The following OCA2 variants were observed in gnomAD, a reference collection of about 807,000 sequenced individuals.
OCA2 encodes the protein OCA2 melanosomal transmembrane protein, also known as P protein.
In OCA2, 77 loss-of-function variants were observed where a neutral mutation model predicts 100.2. The observed-to-expected ratio is 0.77, with a 90% CI of 0.64 to 0.93. The LOEUF (loss-of-function observed/expected upper bound fraction) is 0.93, where lower values mean the gene tolerates loss of function less well. Among genes scored for constraint, OCA2 ranks in the 40% least tolerant of loss-of-function variants. OCA2 has a pLI of 0.00. For missense variants in OCA2, 1,062 were observed against 1,089.1 expected (o/e 0.98, Z 0.35); for synonymous variants, 432 against 439.2 (o/e 0.98, Z 0.21).
intron 23 of OCA2, among the ~76,000 whole-genome samples, chr15:27,777,606 C>T (rs888524049): frequency 2.0e-5 from 3 of 152,170 alleles, no homozygotes. Flanking sequence ...TTTTTATTCA[C>T]ATGCACATTT....
At chr15:27,998,172 G>A (rs1387674639) in intron 9 of OCA2, among the ~76,000 whole-genome samples, 23 of 114,870 alleles carry the variant, frequency 2.0e-4, no homozygotes, top group Admixed American at 7.0e-4. Flanking sequence ...CAAAAACAAT[G>A]GCAACAAAAG....
chr15:27,888,546 C>T (rs1189574099), intron 19 of OCA2, among the ~76,000 whole-genome samples: 1 of 151,974 alleles, frequency 6.6e-6, no homozygotes, highest in African/African-American at 2.4e-5. Context: ...AATCAGTTAA[C>T]AACTTCTCTT....
intron 23 of OCA2, among the ~76,000 whole-genome samples, chr15:27,761,365 C>CT (rs1434654119): frequency 6.6e-6 from 1 of 151,524 alleles, no homozygotes; most frequent in Admixed American, 6.6e-5. Flanking sequence ...AAATTAAACA[C>CT]TTAGGCATAA....
At chr15:27,747,519 G>T in the OCA2 span, among the ~76,000 whole-genome samples, 2 of 152,196 alleles carry the variant, frequency 1.3e-5, no homozygotes, top group Admixed American at 6.5e-5. Context: ...CAAAGGCCAT[G>T]AAGTGGGCAG....
In OCA2 at chr15:27,871,879, G is replaced by A; in HGVS notation, c.2123C>T (p.Thr708Ile). Residue 708 changes from threonine (T) to isoleucine (I), a missense_variant, in exon 20 of 24, where the codon ACT becomes ATT. Physicochemically the swap from Thr to Ile is moderately conservative, Grantham distance 89. Transcript: ENST00000354638. The stretch of plus-strand genomic sequence containing the variant: ...TTATTTTACCTTTATTAGCAAAGCA[G>A]TTTGTTCTCCAACATATTCTATTAA... ...LHLIEYVGEQ[T>I]ALLIKMVPEE... 6.2e-7 allele frequency: 1 copy of A among 1,605,892 alleles called. No individual in the cohort carries two copies. Among genetic ancestry groups the A allele is most frequent in the Non-Finnish European group, 8.5e-7 (1 of 1,173,180 alleles).
At chr15:27,847,053 TC>T (rs2035563476) in intron 22 of OCA2, among the ~76,000 whole-genome samples, 1 of 152,064 alleles carries the variant, frequency 6.6e-6, no homozygotes, top group South Asian at 2.1e-4. Flanking sequence ...ACCAGATGTG[TC>T]TGAATTGCCT....
chr15:27,976,445 T>C (rs2140916499), intron 14 of OCA2, among the ~76,000 whole-genome samples: 1 of 152,326 alleles, frequency 6.6e-6, no homozygotes, highest in Non-Finnish European at 1.5e-5. Context: ...CCTTAGTTTC[T>C]TGAGAGATTT....
the OCA2 span, among the ~76,000 whole-genome samples, chr15:27,727,885 A>C: frequency 1.3e-5 from 2 of 152,146 alleles, no homozygotes; most frequent in Non-Finnish European, 1.5e-5. Flanking sequence ...CTTACTTTAA[A>C]CACATCTGCA....
At chr15:27,944,935 T>C (rs1478775017) in intron 18 of OCA2, among the ~76,000 whole-genome samples, 2 of 152,148 alleles carry the variant, frequency 1.3e-5, no homozygotes, top group African/African-American at 2.4e-5. Flanking sequence ...GACAGTTACA[T>C]GAGTCCCTGG....
chr15:27,888,223 A>G (rs74970346), intron 19 of OCA2, among the ~76,000 whole-genome samples: 2,372 of 152,340 alleles, frequency 0.016, 54 homozygotes, highest in African/African-American at 0.05. Flanking sequence ...AACAGATCAA[A>G]GTAGCACTGC....
the OCA2 span, among the ~76,000 whole-genome samples, chr15:27,732,994 G>A: frequency 1.1e-4 from 16 of 152,110 alleles, no homozygotes; most frequent in South Asian, 4.2e-4. Flanking sequence ...ACTTTGTAAC[G>A]AAAAGCAAAA....
At chr15:28,009,939 A>C (rs1312138168) in intron 9 of OCA2, among the ~76,000 whole-genome samples, 1 of 152,230 alleles carries the variant, frequency 6.6e-6, no homozygotes, top group Non-Finnish European at 1.5e-5. Flanking sequence ...ACTACAGATC[A>C]AAATCTGTAA....
chr15:27,799,883 A>G (rs1273730065), intron 23 of OCA2, among the ~76,000 whole-genome samples: 3 of 152,208 alleles, frequency 2.0e-5, no homozygotes, highest in Non-Finnish European at 4.4e-5. Context: ...AGTGGGCTCA[A>G]AAAGTGGTAA....
At chr15:28,038,849 C>A (rs1237744850) in intron 2 of OCA2, among the ~76,000 whole-genome samples, 1 of 152,128 alleles carries the variant, frequency 6.6e-6, no homozygotes, top group South Asian at 2.1e-4. Context: ...ACTAAGCTCT[C>A]CAATCAAAAG....
chr15:28,072,336 T>TGGGA (rs2044286153), intron 2 of OCA2, among the ~76,000 whole-genome samples: 1 of 152,036 alleles, frequency 6.6e-6, no homozygotes. Flanking sequence ...ACGCCTGTAA[T>TGGGA]CCCAGCACTT....
At chr15:27,894,226 T>C (rs535321924) in intron 19 of OCA2, among the ~76,000 whole-genome samples, 53 of 152,330 alleles carry the variant, frequency 3.5e-4, no homozygotes, top group Admixed American at 3.3e-3. Flanking sequence ...CAGGCCTTTG[T>C]CTCCCACTCC....
At chr15:28,074,579 CAGG>C (rs1182194886) in intron 2 of OCA2, among the ~76,000 whole-genome samples, 2 of 149,602 alleles carry the variant, frequency 1.3e-5, no homozygotes, top group African/African-American at 2.5e-5. Context: ...GAGGCTGAGG[CAGG>C]AGAATGGCGT....
At chr15:27,773,186 C>T (rs1452100994) in intron 23 of OCA2, among the ~76,000 whole-genome samples, 1 of 152,058 alleles carries the variant, frequency 6.6e-6, no homozygotes, top group African/African-American at 2.4e-5. Flanking sequence ...AAGTAGAATC[C>T]AGTTAGAAAT....
At chr15:27,794,265 G>A (rs922953970) in intron 23 of OCA2, among the ~76,000 whole-genome samples, 4 of 152,096 alleles carry the variant, frequency 2.6e-5, no homozygotes, top group Non-Finnish European at 4.4e-5. Flanking sequence ...GGTGTGGGTC[G>A]TGGCTAAGCG....
Sources: gnomAD v4.1 joint callset for allele counts (sites outside exome capture counted in the v4.1 genomes callset) on GRCh38, gnomAD v4.1.1 for gene constraint, MANE v1.5 for transcripts, NCBI Gene and HGNC (gene_info 2026-07-23, HGNC 2026-07-21) for gene names.